The following RBFOX1 variants were observed in gnomAD, a reference collection of about 807,000 sequenced individuals.
RBFOX1 encodes RNA binding protein fox-1 homolog 1.
In RBFOX1, 8 loss-of-function variants were observed where a neutral mutation model predicts 57.7. The observed-to-expected ratio is 0.14, with a 90% CI of 0.08 to 0.25. The LOEUF is 0.25. Ranked by LOEUF, RBFOX1 falls within the 10% of genes least tolerant of loss-of-function variation. The pLI is 1.00. For missense variants in RBFOX1, 611 were observed against 548.5 expected (o/e 1.11, Z -1.14); for synonymous variants, 326 against 222.4 (o/e 1.47, Z -4.15).
At chr16:6,224,176 G>A (rs953444042) in intron 1 of RBFOX1, among the ~76,000 whole-genome samples, 3 of 151,458 alleles carry the variant, frequency 2.0e-5, no homozygotes, top group East Asian at 3.9e-4. Flanking sequence ...GATTGACTTG[G>A]TGATGAGGGC....
Position 7,293,029 on chromosome 16 carries a change from GA to G in RBFOX1, c.28-225116del, listed in dbSNP as rs1241300797. On this transcript the variant is annotated intron_variant, in intron 4 of 15. Coordinates refer to ENST00000550418, the MANE Select transcript of RBFOX1 (RefSeq NM_018723.4). ...AAGGAAGTAAGGCAGAGAAAGTCTG[GA>G]ACCAAGACAGTTTAATCAAAGTCGA... 2.0e-5 allele frequency among the ~76,000 whole-genome samples: 3 copies of G among 152,232 alleles called. No homozygotes were observed. In the East Asian group the frequency reaches 5.8e-4, roughly 29 times the overall value.
intron 3 of RBFOX1, among the ~76,000 whole-genome samples, chr16:5,809,013 A>G (rs2055328234): frequency 6.6e-6 from 1 of 152,116 alleles, no homozygotes; most frequent in African/African-American, 2.4e-5. Flanking sequence ...TCAAACCCTA[A>G]CGCTGCGTAT....
At chr16:6,948,162 T>C (rs2079941526) in intron 3 of RBFOX1, among the ~76,000 whole-genome samples, 1 of 152,046 alleles carries the variant, frequency 6.6e-6, no homozygotes, top group Non-Finnish European at 1.5e-5. Context: ...CCAGGCATGG[T>C]GGCTCATACC....
At chr16:5,880,391 A>T (rs2057733248) in intron 4 of RBFOX1, among the ~76,000 whole-genome samples, 1 of 152,154 alleles carries the variant, frequency 6.6e-6, no homozygotes, top group Non-Finnish European at 1.5e-5. Context: ...ACCCATGAAG[A>T]CCCAGAGGAC....
chr16:6,279,724 T>G (rs1161901900), intron 1 of RBFOX1, among the ~76,000 whole-genome samples: 1 of 152,196 alleles, frequency 6.6e-6, no homozygotes, highest in Non-Finnish European at 1.5e-5. Flanking sequence ...CAGGGCTTGG[T>G]TTTATTTATC....
At chr16:7,161,805 T>C (rs1471714036) in intron 4 of RBFOX1, among the ~76,000 whole-genome samples, 1 of 152,194 alleles carries the variant, frequency 6.6e-6, no homozygotes, top group Non-Finnish European at 1.5e-5. Context: ...AAGCACTGGA[T>C]GTTTAGAAGT....
At chr16:6,483,165 C>T (rs924163040) in intron 2 of RBFOX1, 7 of 1,101,658 alleles carry the variant, frequency 6.4e-6, no homozygotes, top group Non-Finnish European at 7.7e-6. Flanking sequence ...CATTGGGCGT[C>T]TCATTTGGCG....
At chr16:6,030,963 C>A (rs1331088521) in intron 1 of RBFOX1, among the ~76,000 whole-genome samples, 4 of 152,110 alleles carry the variant, frequency 2.6e-5, no homozygotes, top group Admixed American at 2.0e-4. Flanking sequence ...TCATCTCTGC[C>A]TAGTGAAACT....
chr16:6,026,266 T>TCTAG (rs2095192180), intron 1 of RBFOX1, among the ~76,000 whole-genome samples: 1 of 152,256 alleles, frequency 6.6e-6, no homozygotes, highest in South Asian at 2.1e-4. Flanking sequence ...CTCCTTAGCA[T>TCTAG]CTAGCGTGGT....
At chr16:6,206,959 G>C (rs1194301229) in intron 1 of RBFOX1, among the ~76,000 whole-genome samples, 1 of 150,276 alleles carries the variant, frequency 6.7e-6, no homozygotes, top group Non-Finnish European at 1.5e-5. Context: ...TCTTAAGATA[G>C]TGAACTGGAA....
intron 3 of RBFOX1, among the ~76,000 whole-genome samples, chr16:6,672,197 G>A (rs531684418): frequency 1.1e-4 from 17 of 152,118 alleles, no homozygotes; most frequent in Non-Finnish European, 2.1e-4. Flanking sequence ...TGAGCTTTTG[G>A]AAATACAAAG....
intron 1 of RBFOX1, among the ~76,000 whole-genome samples, chr16:6,248,158 G>C (rs959325299): frequency 1.3e-5 from 2 of 152,066 alleles, no homozygotes. Context: ...AGTTGCGCCT[G>C]TTTAGTTAAA....
chr16:7,417,408 T>C (rs2098491046), intron 4 of RBFOX1, among the ~76,000 whole-genome samples: 1 of 148,848 alleles, frequency 6.7e-6, no homozygotes, highest in Non-Finnish European at 1.5e-5. Context: ...CCCCATATCC[T>C]GTTCCCCCAG....
intron 4 of RBFOX1, among the ~76,000 whole-genome samples, chr16:7,354,108 A>G (rs2097173842): frequency 6.6e-6 from 1 of 151,926 alleles, no homozygotes; most frequent in Admixed American, 6.6e-5. Context: ...AGTATCTGGG[A>G]TTACAGGATC....
chr16:5,425,176 G>T (rs978911928), intron 1 of RBFOX1, among the ~76,000 whole-genome samples: 1 of 151,058 alleles, frequency 6.6e-6, no homozygotes, highest in Middle Eastern at 3.4e-3. Context: ...TGCGATCTTG[G>T]CTCACTGCAA....
At chr16:6,855,389 C>T (rs71374913) in intron 3 of RBFOX1, among the ~76,000 whole-genome samples, 1 of 151,908 alleles carries the variant, frequency 6.6e-6, no homozygotes. Context: ...CAGTGGCTCA[C>T]GCCTGTAATC....
intron 3 of RBFOX1, among the ~76,000 whole-genome samples, chr16:6,918,084 C>G (rs1004427549): frequency 1.3e-5 from 2 of 152,166 alleles, no homozygotes; most frequent in African/African-American, 4.8e-5. Context: ...GTCAGGAGTT[C>G]GAGACCAGCC....
chr16:6,877,097 C>T (rs948632127), intron 3 of RBFOX1, among the ~76,000 whole-genome samples: 3 of 152,124 alleles, frequency 2.0e-5, no homozygotes, highest in Non-Finnish European at 4.4e-5. Context: ...GCTTAACAAG[C>T]ATAGGCAGTC....
chr16:6,795,936 C>T (rs2083916069), intron 3 of RBFOX1, among the ~76,000 whole-genome samples: 1 of 152,032 alleles, frequency 6.6e-6, no homozygotes, highest in Admixed American at 6.6e-5. Flanking sequence ...TGAATCCAAA[C>T]ATTGAGAAAC....
Sources: gnomAD v4.1 joint callset for allele counts (sites outside exome capture counted in the v4.1 genomes callset) on GRCh38, gnomAD v4.1.1 for gene constraint, MANE v1.5 for transcripts, NCBI Gene and HGNC (gene_info 2026-07-23, HGNC 2026-07-21) for gene names.